TENM3: variants seen among roughly 807,000 people sequenced by gnomAD.
TENM3 encodes teneurin transmembrane protein 3, also known as teneurin-3.
Under a neutral mutation model 255.1 loss-of-function variants are expected in TENM3, and 63 were observed. The observed-to-expected ratio is 0.25, with a 90% CI of 0.20 to 0.30. TENM3 has a LOEUF of 0.30. Among genes scored for constraint, TENM3 ranks in the 10% least tolerant of loss-of-function variants. TENM3 has a pLI of 1.00. For synonymous variants in TENM3, 1,306 were observed against 1,322.3 expected (o/e 0.99, Z 0.27); for missense variants, 2,929 against 3,461.1 (o/e 0.85, Z 3.86).
At chr4:182,785,026 T>C (rs6817239) in intron 24 of TENM3, among the ~76,000 whole-genome samples, 52,333 of 151,968 alleles carry the variant, frequency 0.34, 11,534 homozygotes, top group African/African-American at 0.62. Flanking sequence ...GCGTCTCTCA[T>C]GCTGGGAGCT....
At chr4:182,374,193 C>T (rs1042693465) in intron 3 of TENM3, among the ~76,000 whole-genome samples, 1 of 152,136 alleles carries the variant, frequency 6.6e-6, no homozygotes, top group Admixed American at 6.5e-5. Flanking sequence ...CTTTCTTCAT[C>T]TAAAAGTTAG....
chr4:182,533,157 T>C (rs1315366004), intron 3 of TENM3, among the ~76,000 whole-genome samples: 6 of 152,242 alleles, frequency 3.9e-5, no homozygotes, highest in Non-Finnish European at 8.8e-5. Flanking sequence ...TTATCAGTAC[T>C]CCTGTGGATG....
the TENM3 span, among the ~76,000 whole-genome samples, chr4:181,994,008 A>G: frequency 6.6e-6 from 1 of 152,114 alleles, no homozygotes; most frequent in African/African-American, 2.4e-5. Context: ...GTTTGTATAC[A>G]TGTCTTTACA....
chr4:181,784,162 T>TG, the TENM3 span, among the ~76,000 whole-genome samples: 14 of 150,570 alleles, frequency 9.3e-5, no homozygotes, highest in African/African-American at 3.4e-4. Flanking sequence ...AGTCATCTGT[T>TG]TTTTTTTTTA....
chr4:182,711,103 T>C (rs561138927), intron 12 of TENM3, among the ~76,000 whole-genome samples: 1 of 152,360 alleles, frequency 6.6e-6, no homozygotes, highest in African/African-American at 2.4e-5. Context: ...AGAACTTACA[T>C]GTGCCTTTTC....
chr4:182,185,916 A>C (rs1753120515), intron 1 of TENM3, among the ~76,000 whole-genome samples: 2 of 152,216 alleles, frequency 1.3e-5, no homozygotes, highest in Non-Finnish European at 2.9e-5. Flanking sequence ...TGCCTTTAAA[A>C]TCTGCTTTTC....
the TENM3 span, among the ~76,000 whole-genome samples, chr4:181,968,274 T>G: frequency 6.6e-6 from 1 of 152,290 alleles, no homozygotes; most frequent in Admixed American, 6.5e-5. Flanking sequence ...TCTTGGCTTG[T>G]GAATTACATG....
At chr4:181,503,086 C>T in the TENM3 span, among the ~76,000 whole-genome samples, 2 of 152,150 alleles carry the variant, frequency 1.3e-5, no homozygotes, top group Non-Finnish European at 2.9e-5. Flanking sequence ...TTCAGCTGGA[C>T]ATGCAGTGCC....
the TENM3 span, among the ~76,000 whole-genome samples, chr4:181,468,729 C>T: frequency 6.6e-6 from 1 of 152,270 alleles, no homozygotes; most frequent in South Asian, 2.1e-4. Flanking sequence ...ATGGAGATGC[C>T]GATCTTTTTT....
the TENM3 span, among the ~76,000 whole-genome samples, chr4:182,008,441 CTTTT>C: frequency 2.0e-5 from 3 of 151,862 alleles, no homozygotes; most frequent in African/African-American, 7.3e-5. Context: ...CCTTGTCTTT[CTTTT>C]TTCTCTATTC....
At chr4:182,086,169 G>A in the TENM3 span, among the ~76,000 whole-genome samples, 4 of 152,026 alleles carry the variant, frequency 2.6e-5, no homozygotes, top group Non-Finnish European at 2.9e-5. Context: ...TTGATAACAC[G>A]GTATAATGTC....
the TENM3 span, among the ~76,000 whole-genome samples, chr4:181,842,710 C>T: frequency 6.6e-6 from 1 of 152,242 alleles, no homozygotes; most frequent in African/African-American, 2.4e-5. Flanking sequence ...AGGTACACAT[C>T]ATGGTATTAA....
intron 1 of TENM3, among the ~76,000 whole-genome samples, chr4:182,277,684 A>G (rs1169646140): frequency 6.6e-6 from 1 of 152,202 alleles, no homozygotes; most frequent in Non-Finnish European, 1.5e-5. Context: ...ACAAAATAGG[A>G]TAGAGTCCCA....
chr4:182,109,430 T>A, the TENM3 span, among the ~76,000 whole-genome samples: 7 of 151,750 alleles, frequency 4.6e-5, no homozygotes, highest in Non-Finnish European at 7.4e-5. Context: ...AGACAAATCG[T>A]TTTGAATACG....
intron 3 of TENM3, among the ~76,000 whole-genome samples, chr4:182,551,416 G>T (rs1741999948): frequency 6.6e-6 from 1 of 151,944 alleles, no homozygotes; most frequent in Admixed American, 6.6e-5. Flanking sequence ...GCGGTGGTAG[G>T]ATAACTATGT....
the TENM3 span, among the ~76,000 whole-genome samples, chr4:181,565,046 A>G: frequency 6.6e-6 from 1 of 152,182 alleles, no homozygotes; most frequent in African/African-American, 2.4e-5. Context: ...TCAAGTTAAT[A>G]TTTCAGTTTG....
chr4:181,616,160 T>A, the TENM3 span, among the ~76,000 whole-genome samples: 1 of 151,684 alleles, frequency 6.6e-6, no homozygotes, highest in East Asian at 1.9e-4. Flanking sequence ...TAGTATGTGA[T>A]GTTAATTTGT....
chr4:181,533,342 C>T, the TENM3 span, among the ~76,000 whole-genome samples: 1 of 152,174 alleles, frequency 6.6e-6, no homozygotes, highest in African/African-American at 2.4e-5. Flanking sequence ...ACTTTTAATA[C>T]AAAAGAGTTC....
At chr4:181,978,477 T>C in the TENM3 span, among the ~76,000 whole-genome samples, 2 of 151,912 alleles carry the variant, frequency 1.3e-5, no homozygotes, top group East Asian at 1.9e-4. Context: ...TGAAACACCA[T>C]CTCTACTAAA....
Sources: allele counts gnomAD v4.1 joint callset (sites outside exome capture counted in the v4.1 genomes callset), GRCh38; gene constraint gnomAD v4.1.1; transcripts MANE v1.5; gene names NCBI Gene and HGNC (gene_info 2026-07-23, HGNC 2026-07-21).